The following STK3 variants were observed in gnomAD, a reference collection of about 807,000 sequenced individuals.
The protein encoded by STK3 is serine/threonine kinase 3.
STK3 carries 41 observed loss-of-function variants against 58.0 expected under a neutral mutation model. That is an observed-to-expected ratio of 0.71 (90% CI 0.55 to 0.92). The LOEUF is 0.92. STK3 is among the 40% of genes least tolerant of loss of function. The pLI is 0.00. For synonymous variants in STK3, 170 were observed against 191.0 expected (o/e 0.89, Z 0.91); for missense variants, 479 against 602.7 (o/e 0.79, Z 2.15).
chr8:98,565,719 T>C (rs1259605437), intron 8 of STK3, among the ~76,000 whole-genome samples: 1 of 152,132 alleles, frequency 6.6e-6, no homozygotes, highest in African/African-American at 2.4e-5. Flanking sequence ...TGAAGCTTTA[T>C]TGCATAGAAA....
intron 3 of STK3, among the ~76,000 whole-genome samples, chr8:98,857,758 G>T (rs577741156): frequency 9.9e-5 from 15 of 152,082 alleles, no homozygotes; most frequent in African/African-American, 3.4e-4. Context: ...CCAACTACTG[G>T]CTATAAGCAA....
At chr8:98,714,746 T>C (rs1826855819) in intron 4 of STK3, among the ~76,000 whole-genome samples, 2 of 152,208 alleles carry the variant, frequency 1.3e-5, no homozygotes, top group Non-Finnish European at 2.9e-5. Flanking sequence ...CCCATCAAGC[T>C]ACCAATGACT....
At chr8:98,520,142 A>G (rs1825240573) in intron 10 of STK3, among the ~76,000 whole-genome samples, 1 of 152,208 alleles carries the variant, frequency 6.6e-6, no homozygotes, top group Non-Finnish European at 1.5e-5. Context: ...AAACTGAAAC[A>G]TTAGACTAGT....
At chr8:98,594,577 C>CA (rs1815637623) in intron 7 of STK3, among the ~76,000 whole-genome samples, 1 of 151,892 alleles carries the variant, frequency 6.6e-6, no homozygotes, top group African/African-American at 2.4e-5. Context: ...GCCTGGGTGA[C>CA]AGAGTGAGAT....
intron 6 of STK3, among the ~76,000 whole-genome samples, chr8:98,655,864 A>C (rs984946400): frequency 2.0e-5 from 3 of 152,222 alleles, no homozygotes; most frequent in African/African-American, 4.8e-5. Flanking sequence ...GTGGAGAAAT[A>C]GGAACACTTT....
downstream of STK3, among the ~76,000 whole-genome samples, chr8:98,451,739 A>T (rs777952225): frequency 3.9e-5 from 6 of 152,124 alleles, no homozygotes; most frequent in Non-Finnish European, 7.3e-5. Flanking sequence ...GGCAAAACTG[A>T]CTGACTCCCT....
chr8:98,733,829 C>T lies in STK3; in HGVS notation c.351+15447G>A, dbSNP rs561845237. On this transcript the variant is annotated intron_variant, in intron 4 of 10. Coordinates refer to ENST00000419617, the MANE Select transcript of STK3 (RefSeq NM_006281.4). ...CTAAATCAATAAATGTGTTTTGAAC[C>T]TTTCCATTCAACCAAAATGTAAATA... Among the ~76,000 whole-genome samples the T allele has an allele frequency of 2.2e-4, 34 of 152,198 alleles. 1 individual carries two copies. The South Asian group carries it at 7.1e-3, about 32-fold the overall frequency.
intron 6 of STK3, among the ~76,000 whole-genome samples, chr8:98,700,445 C>G (rs1825477357): frequency 6.6e-6 from 1 of 152,196 alleles, no homozygotes; most frequent in Non-Finnish European, 1.5e-5. Context: ...CAGAAATCAC[C>G]CGTCTTCTGC....
chr8:98,772,792 T>C (rs1436864414), intron 2 of STK3, among the ~76,000 whole-genome samples: 1 of 152,180 alleles, frequency 6.6e-6, no homozygotes, highest in Non-Finnish European at 1.5e-5. Context: ...TGCTCCCCCT[T>C]TGCCTTCTTC....
intron 3 of STK3, among the ~76,000 whole-genome samples, chr8:98,867,133 C>A (rs1837174081): frequency 6.6e-6 from 1 of 152,212 alleles, no homozygotes; most frequent in South Asian, 2.1e-4. Context: ...AATGGGGAAA[C>A]TGGCCTGGCG....
At chr8:98,689,027 GAA>G (rs1490968630) in intron 6 of STK3, among the ~76,000 whole-genome samples, 1 of 152,032 alleles carries the variant, frequency 6.6e-6, no homozygotes, top group East Asian at 1.9e-4. Context: ...ATTAAAAAAG[GAA>G]AGAGAGAAGA....
intron 10 of STK3, among the ~76,000 whole-genome samples, chr8:98,467,575 T>TGTGTGG (rs376560823): frequency 1.3e-5 from 2 of 150,908 alleles, no homozygotes; most frequent in African/African-American, 4.9e-5. Flanking sequence ...TGTGTGTGTG[T>TGTGTGG]GGCATCAAGT....
At chr8:98,507,710 C>T (rs1824202136) in intron 10 of STK3, among the ~76,000 whole-genome samples, 1 of 152,186 alleles carries the variant, frequency 6.6e-6, no homozygotes, top group South Asian at 2.1e-4. Context: ...ACTCATTCAG[C>T]TGCCCAAAAT....
intron 1 of STK3, among the ~76,000 whole-genome samples, chr8:98,795,752 C>T (rs894282618): frequency 7.9e-5 from 12 of 151,910 alleles, no homozygotes; most frequent in African/African-American, 2.9e-4. Flanking sequence ...AACGTTCCAG[C>T]TGAGAGCCAA....
chr8:98,361,410 GGCA>G, the STK3 span, among the ~76,000 whole-genome samples: 1 of 152,106 alleles, frequency 6.6e-6, no homozygotes, highest in African/African-American at 2.4e-5. Context: ...AGTTTGTTCT[GGCA>G]CTTGATAGTT....
chr8:98,428,369 C>T lies in STK3; in HGVS notation n.483+5758G>A, dbSNP rs764750909. ...GCTACCATGGCCGCAAAGTAGAGCC[C>T]GAGCAGGAGAAGTGGGACGAGCAGA... On this transcript the variant is annotated intron_variant and non_coding_transcript_variant, in intron 3 of 3. Coordinates refer to the STK3 transcript ENST00000517832. The surrounding 1 kb of genome is among the most constrained non-coding windows in gnomAD (Gnocchi z 6.7). 6.2e-7 allele frequency: 1 copy of T among 1,614,124 alleles called. No homozygotes were observed. The highest frequency in any genetic ancestry group is 1.1e-5 in the South Asian group (1 of 91,078).
chr8:98,469,468 T>C (rs542488290), intron 10 of STK3, among the ~76,000 whole-genome samples: 54 of 152,282 alleles, frequency 3.5e-4, no homozygotes, highest in African/African-American at 1.3e-3. Context: ...GGTTTTATCC[T>C]CCCTTGAGCC....
intron 6 of STK3, among the ~76,000 whole-genome samples, chr8:98,664,016 G>T (rs958450219): frequency 2.0e-5 from 3 of 152,048 alleles, no homozygotes; most frequent in African/African-American, 7.3e-5. Flanking sequence ...ACATGTTTAG[G>T]TGTTATTATT....
At chr8:98,811,834 GT>G (rs1834240986) in intron 1 of STK3, among the ~76,000 whole-genome samples, 1 of 152,174 alleles carries the variant, frequency 6.6e-6, no homozygotes, top group Admixed American at 6.5e-5. Context: ...TTTTGTTGTT[GT>G]TTTTTGAGAC....
Sources: gnomAD v4.1 joint callset for allele counts (sites outside exome capture counted in the v4.1 genomes callset) on GRCh38, gnomAD v4.1.1 for gene constraint, Gnocchi (gnomAD v3.1) non-coding constraint, MANE v1.5 for transcripts, NCBI Gene and HGNC (gene_info 2026-07-23, HGNC 2026-07-21) for gene names.